Variants in NOX4 observed in about 807,000 individuals in gnomAD.
NOX4 encodes the protein NADPH oxidase 4.
A neutral mutation model predicts 87.6 loss-of-function variants in NOX4; 69 were observed. That is an observed-to-expected ratio of 0.79 (90% CI 0.65 to 0.96). The LOEUF (loss-of-function observed/expected upper bound fraction) is 0.96, where lower values mean the gene tolerates loss of function less well. Among genes scored for constraint, NOX4 ranks in the 40% least tolerant of loss-of-function variants. The pLI, the probability that NOX4 is intolerant of heterozygous loss-of-function variation, is 0.00. For missense variants in NOX4, 680 were observed against 681.5 expected, an observed-to-expected ratio of 1.00 and a Z score of 0.02; for synonymous variants, 275 against 238.2, an observed-to-expected ratio of 1.15 and a Z score of -1.42.
chr11:89,549,522 G>A, the NOX4 span, among the ~76,000 whole-genome samples: 1 of 152,182 alleles, frequency 6.6e-6, no homozygotes, highest in Admixed American at 6.5e-5. Context: ...TTATGTTCTG[G>A]GATACATGTG....
the NOX4 span, among the ~76,000 whole-genome samples, chr11:89,541,838 A>T: frequency 6.6e-6 from 1 of 152,184 alleles, no homozygotes; most frequent in African/African-American, 2.4e-5. Context: ...CTTTATTATT[A>T]AGATAAGTTC....
At chr11:89,463,604 G>C (rs1945560930) in intron 2 of NOX4, among the ~76,000 whole-genome samples, 1 of 151,848 alleles carries the variant, frequency 6.6e-6, no homozygotes, top group African/African-American at 2.4e-5. Flanking sequence ...TGTGTTTATT[G>C]TCAGCATATG....
intron 11 of NOX4, among the ~76,000 whole-genome samples, chr11:89,386,405 C>A (rs1444077734): frequency 6.6e-6 from 1 of 152,112 alleles, no homozygotes; most frequent in Non-Finnish European, 1.5e-5. Context: ...AAACTGCCAC[C>A]CTTAATTCTC....
the NOX4 span, among the ~76,000 whole-genome samples, chr11:89,531,459 C>G: frequency 1.3e-5 from 2 of 152,148 alleles, no homozygotes; most frequent in African/African-American, 4.8e-5. Context: ...CCTGAGTGAA[C>G]TTGGTAGTCA....
intron 8 of NOX4, among the ~76,000 whole-genome samples, chr11:89,418,422 GAATAATAATAAT>G (rs113480992): frequency 0.11 from 15,098 of 139,688 alleles, 974 homozygotes; most frequent in South Asian, 0.23. Context: ...TGAACATTGA[GAATAATAATAAT>G]AATAATAATA....
chr11:89,360,776 C>G (rs1223661313), intron 12 of NOX4, among the ~76,000 whole-genome samples: 1 of 151,908 alleles, frequency 6.6e-6, no homozygotes, highest in East Asian at 1.9e-4. Context: ...ATAATCCCAT[C>G]AAAAAGTGGA....
At chr11:89,422,839 G>T (rs544325925) in intron 7 of NOX4, among the ~76,000 whole-genome samples, 1 of 129,696 alleles carries the variant, frequency 7.7e-6, no homozygotes, top group Non-Finnish European at 1.5e-5. Flanking sequence ...TTGCTCTGTC[G>T]CCTAGGCTGG....
At chr11:89,560,211 C>T in the NOX4 span, among the ~76,000 whole-genome samples, 5 of 152,000 alleles carry the variant, frequency 3.3e-5, no homozygotes, top group Middle Eastern at 3.2e-3. Flanking sequence ...GAGATTGGAG[C>T]GATGCATTTG....
At chr11:89,496,358 G>A (rs1946950248), upstream of NOX4, among the ~76,000 whole-genome samples, 1 of 152,142 alleles carries the variant, frequency 6.6e-6, no homozygotes, top group African/African-American at 2.4e-5. Flanking sequence ...AAATGAAGAT[G>A]TTCAATGAAA....
Position 89,338,827 on chromosome 11 carries a change from G to A in NOX4, c.1446+1236C>T, listed in dbSNP as rs540142467. 4.6e-5 allele frequency among the ~76,000 whole-genome samples: 7 copies of A among 152,174 alleles called. No individual in the cohort carries two copies. The South Asian group carries it at 1.5e-3, about 32-fold the overall frequency. ...TGGCATTATAGCATTTTGTTTGATG[G>A]TTGTTCTTGAACATGCAATATAAAT... is the stretch of plus-strand genomic sequence containing the variant. On this transcript the variant is annotated intron_variant, in intron 15 of 17. Coordinates refer to ENST00000263317, the MANE Select transcript of NOX4 (RefSeq NM_016931.5).
intron 5 of NOX4, 165 bp downstream of exon 5, chr11:89,443,970 T>G: frequency 1.7e-6 from 1 of 589,002 alleles, no homozygotes; most frequent in Non-Finnish European, 3.0e-6. Context: ...GAAATAGTAA[T>G]TACTTATATT....
intron 2 of NOX4, among the ~76,000 whole-genome samples, chr11:89,483,446 C>T (rs1378201899): frequency 6.6e-6 from 1 of 151,990 alleles, no homozygotes; most frequent in East Asian, 1.9e-4. Flanking sequence ...CCATTTGTGA[C>T]AACATGAAAG....
rs554295850 is a variant in NOX4 at position 89,442,969 on chromosome 11, GGAAGTGA to G, written c.447+1159_447+1165del. Among the ~76,000 whole-genome samples the G allele has an allele frequency of 1.5e-3, 223 of 152,208 alleles. 2 individuals are homozygous for G. Among genetic ancestry groups the G allele is most frequent in the African/African-American group, 4.9e-3 (203 of 41,546 alleles). ...GGCAGCAGGAGAAAGGGAAGCAGGT[GGAAGTGA>G]GATGGGCAGAAGTGGAGGCTGGGTC... is the stretch of plus-strand genomic sequence containing the variant. On this transcript the variant is annotated intron_variant, in intron 5 of 17. Coordinates refer to ENST00000263317, the MANE Select transcript of NOX4 (RefSeq NM_016931.5).
chr11:89,489,308 A>T (rs979551583), intron 2 of NOX4, among the ~76,000 whole-genome samples: 4 of 152,110 alleles, frequency 2.6e-5, no homozygotes, highest in African/African-American at 9.7e-5. Context: ...TCATTAAACC[A>T]TGAAAAAAAA....
chr11:89,503,321 T>C, the NOX4 span, among the ~76,000 whole-genome samples: 1 of 151,960 alleles, frequency 6.6e-6, no homozygotes, highest in African/African-American at 2.4e-5. Flanking sequence ...TCCAATTCTA[T>C]TTATGGTAAT....
chr11:89,582,431 A>G, the NOX4 span, among the ~76,000 whole-genome samples: 3 of 152,144 alleles, frequency 2.0e-5, no homozygotes, highest in Non-Finnish European at 1.5e-5. Context: ...AAATAATTCT[A>G]TTTTTAACTT....
chr11:89,459,686 C>T (rs976541346), intron 2 of NOX4, among the ~76,000 whole-genome samples: 1 of 152,040 alleles, frequency 6.6e-6, no homozygotes, highest in Admixed American at 6.5e-5. Flanking sequence ...AAGAACATTC[C>T]ATGCTCATGG....
At position 89,342,179 on chromosome 11, in the gene NOX4, C is replaced by T. The variant is rs761705570; in HGVS notation, c.1232G>A (p.Gly411Asp). The change falls in exon 14 of 18, where the codon GGT (glycine) becomes GAT (aspartate). Residue 411 changes from glycine to aspartate, a missense_variant. Gly to Asp is a moderately conservative substitution (Grantham distance 94, BLOSUM62 -1). Transcript: ENST00000263317. ...TTCCTCAAATGGACTTCCAAAAGGA[C>T]CATCAATATACAGCCTGTAGAGCAG... ...SRNYPKLYID[G>D]PFGSPFEESL... is the part of the protein sequence containing the mutation. 6.2e-7 allele frequency: 1 copy of T among 1,612,504 alleles called. No homozygotes were observed. Among genetic ancestry groups the T allele is most frequent in the African/African-American group, 1.3e-5 (1 of 74,786 alleles).
At chr11:89,536,027 G>A in the NOX4 span, among the ~76,000 whole-genome samples, 1 of 150,764 alleles carries the variant, frequency 6.6e-6, no homozygotes, top group Admixed American at 6.6e-5. Context: ...TGCTCCCGGG[G>A]TTTTCTTTCT....
Sources: allele counts gnomAD v4.1 joint callset (sites outside exome capture counted in the v4.1 genomes callset), GRCh38; gene constraint gnomAD v4.1.1; transcripts MANE v1.5; gene names NCBI Gene and HGNC (gene_info 2026-07-23, HGNC 2026-07-21).